IL7: variants seen among roughly 807,000 people sequenced by gnomAD.
IL7 encodes the protein interleukin-7.
A neutral mutation model predicts 21.6 loss-of-function variants in IL7; 3 were observed. That is an observed-to-expected ratio of 0.14 (90% CI 0.06 to 0.36). The LOEUF (loss-of-function observed/expected upper bound fraction) is 0.36, where lower values mean the gene tolerates loss of function less well. IL7 is among the 10% of genes least tolerant of loss of function. The pLI, the probability that IL7 is intolerant of heterozygous loss-of-function variation, is 1.00. For synonymous variants in IL7, 62 were observed against 68.1 expected, an observed-to-expected ratio of 0.91 and a Z score of 0.44; for missense variants, 175 against 200.2, an observed-to-expected ratio of 0.87 and a Z score of 0.76.
At chr8:78,792,454 C>A (rs1177327392) in intron 2 of IL7, among the ~76,000 whole-genome samples, 1 of 151,904 alleles carries the variant, frequency 6.6e-6, no homozygotes, top group Non-Finnish European at 1.5e-5. Flanking sequence ...TTAAAAATGT[C>A]CTTCAAAGGA....
At chr8:78,766,108 T>A (rs571586368) in intron 2 of IL7, among the ~76,000 whole-genome samples, 1 of 152,250 alleles carries the variant, frequency 6.6e-6, no homozygotes, top group Non-Finnish European at 1.5e-5. Flanking sequence ...TGCAACTATG[T>A]AACATTCTGG....
At chr8:78,727,673 T>C (rs1345145605) in intron 3 of IL7, among the ~76,000 whole-genome samples, 1 of 151,946 alleles carries the variant, frequency 6.6e-6, no homozygotes, top group Non-Finnish European at 1.5e-5. Context: ...AAGGAGGCAA[T>C]GGGTAATTTT....
At chr8:78,702,159 G>T (rs895800387) in intron 3 of IL7, among the ~76,000 whole-genome samples, 1 of 152,060 alleles carries the variant, frequency 6.6e-6, no homozygotes, top group East Asian at 1.9e-4. Context: ...CTCGTTATTT[G>T]TCTGTTCAGG....
intron 1 of IL7, among the ~76,000 whole-genome samples, chr8:78,802,227 A>G (rs1375097344): frequency 2.0e-5 from 3 of 152,220 alleles, no homozygotes; most frequent in Non-Finnish European, 2.9e-5. Flanking sequence ...ATAGTTTTCT[A>G]CAATCCATCA....
intron 2 of IL7, among the ~76,000 whole-genome samples, chr8:78,794,444 G>A (rs1813791118): frequency 6.6e-6 from 1 of 152,080 alleles, no homozygotes; most frequent in African/African-American, 2.4e-5. Flanking sequence ...AAAACTTAAA[G>A]TCACCAGCTG....
chr8:78,756,630 G>C (rs2130749436), intron 2 of IL7, among the ~76,000 whole-genome samples: 1 of 151,910 alleles, frequency 6.6e-6, no homozygotes, highest in Non-Finnish European at 1.5e-5. Flanking sequence ...ATCTCTGATA[G>C]TCCTTTATAT....
chr8:78,679,310 G>T (rs1264913976), intron 4 of IL7: 4 of 152,034 alleles, frequency 2.6e-5, no homozygotes, highest in East Asian at 1.9e-4. Context: ...GTGGGAGATT[G>T]GTTCCAGGGA....
chr8:78,716,313 C>G (rs1350351930), downstream of IL7, among the ~76,000 whole-genome samples: 1 of 151,270 alleles, frequency 6.6e-6, no homozygotes, highest in Non-Finnish European at 1.5e-5. Context: ...TTATTAGAGA[C>G]GGGGTTTCAC....
At position 78,734,092 on chromosome 8, in the gene IL7, G is replaced by A. The variant is rs569585595; in HGVS notation, c.415-260C>T. 3.9e-5 allele frequency among the ~76,000 whole-genome samples: 6 copies of A among 152,320 alleles called. No homozygotes were observed. The East Asian group carries it at 9.6e-4, about 24-fold the overall frequency. On this transcript the variant is annotated intron_variant, in intron 5 of 5. Coordinates refer to ENST00000263851, the MANE Select transcript of IL7 (RefSeq NM_000880.4). The stretch of plus-strand genomic sequence containing the variant: ...TGACCGCCATTTTCACAGTTTAACA[G>A]TGGACATAATAACACTGTTTGGAAT...
intron 2 of IL7, among the ~76,000 whole-genome samples, chr8:78,794,455 C>T (rs1303736021): frequency 1.3e-5 from 2 of 152,116 alleles, no homozygotes; most frequent in African/African-American, 4.8e-5. Context: ...TCACCAGCTG[C>T]ATTTGTCCCT....
downstream of IL7, among the ~76,000 whole-genome samples, chr8:78,730,733 C>A (rs982328030): frequency 6.6e-6 from 1 of 151,840 alleles, no homozygotes; most frequent in African/African-American, 2.4e-5. Flanking sequence ...GAAAGGAAGA[C>A]AAAGATCATA....
intron 5 of IL7, among the ~76,000 whole-genome samples, chr8:78,735,797 A>G (rs974087242): frequency 6.6e-6 from 1 of 152,138 alleles, no homozygotes; most frequent in African/African-American, 2.4e-5. Flanking sequence ...CCATGTAGCT[A>G]TTGGTCAAAT....
At chr8:78,720,789 C>A (rs1811222420) in intron 5 of IL7, among the ~76,000 whole-genome samples, 1 of 151,846 alleles carries the variant, frequency 6.6e-6, no homozygotes, top group African/African-American at 2.4e-5. Context: ...CACTTATGGA[C>A]AATACATGGA....
At chr8:78,792,707 T>C (rs1333183118) in intron 2 of IL7, among the ~76,000 whole-genome samples, 1 of 151,966 alleles carries the variant, frequency 6.6e-6, no homozygotes, top group African/African-American at 2.4e-5. Flanking sequence ...ATCAAGGAAA[T>C]GCCAATCAGT....
chr8:78,761,302 C>T, intron 2 of IL7: 1 of 1,611,448 alleles, frequency 6.2e-7, no homozygotes, highest in Non-Finnish European at 8.5e-7. Flanking sequence ...CAGATACTCC[C>T]ATAACAGGTA....
intron 2 of IL7, among the ~76,000 whole-genome samples, chr8:78,755,014 T>TGTAAGAATCATGTAA (rs1812302970): frequency 6.6e-6 from 1 of 152,136 alleles, no homozygotes; most frequent in Non-Finnish European, 1.5e-5. Context: ...TTATATATGG[T>TGTAAGAATCATGTAA]GAGAGATAGG....
At chr8:78,724,835 G>A (rs971908932) in intron 3 of IL7, among the ~76,000 whole-genome samples, 1 of 151,884 alleles carries the variant, frequency 6.6e-6, no homozygotes, top group African/African-American at 2.4e-5. Flanking sequence ...TTTTCTCACT[G>A]ATGTCATTAC....
chr8:78,745,369 C>A (rs921023784), intron 2 of IL7, among the ~76,000 whole-genome samples: 1 of 152,190 alleles, frequency 6.6e-6, no homozygotes, highest in East Asian at 1.9e-4. Context: ...CCCATCCTGT[C>A]TTTCATATGC....
At chr8:78,793,657 G>A (rs186097310) in intron 2 of IL7, among the ~76,000 whole-genome samples, 3 of 152,134 alleles carry the variant, frequency 2.0e-5, no homozygotes, top group African/African-American at 7.2e-5. Context: ...CTGAAGGTTG[G>A]GTGGCTGTAG....
Sources: allele counts gnomAD v4.1 joint callset (sites outside exome capture counted in the v4.1 genomes callset), GRCh38; gene constraint gnomAD v4.1.1; transcripts MANE v1.5; gene names NCBI Gene and HGNC (gene_info 2026-07-23, HGNC 2026-07-21).